The following MYH15 variants were observed in gnomAD, a reference collection of about 807,000 sequenced individuals.
The protein encoded by MYH15 is myosin-15.
Under a neutral mutation model 240.5 loss-of-function variants are expected in MYH15, and 227 were observed. That is an observed-to-expected ratio of 0.94 (90% CI 0.85 to 1.05). The LOEUF is 1.05. Ranked by LOEUF, MYH15 falls within the 50% of genes least tolerant of loss-of-function variation. The pLI is 0.00. For synonymous variants in MYH15, 785 were observed against 796.7 expected, an observed-to-expected ratio of 0.99 and a Z score of 0.25; for missense variants, 2,217 against 2,247.5, an observed-to-expected ratio of 0.99 and a Z score of 0.27.
chr3:108,447,194 T>A (rs1489922669), intron 21 of MYH15, among the ~76,000 whole-genome samples: 1 of 151,546 alleles, frequency 6.6e-6, no homozygotes, highest in Non-Finnish European at 1.5e-5. Context: ...GAAAAACAAA[T>A]GAAAAGAATG....
intron 27 of MYH15, 40 bp downstream of exon 27, chr3:108,428,452 C>T: frequency 6.4e-7 from 1 of 1,557,602 alleles, no homozygotes. Context: ...TCCCTACTTC[C>T]ATGTTCAGAA....
intron 22 of MYH15, among the ~76,000 whole-genome samples, chr3:108,444,374 C>G (rs1288533399): frequency 3.9e-5 from 6 of 152,032 alleles, no homozygotes; most frequent in African/African-American, 1.4e-4. Flanking sequence ...AATTAAGACC[C>G]AGAGCTTCCT....
At chr3:108,538,640 G>C in the MYH15 span, among the ~76,000 whole-genome samples, 4 of 152,110 alleles carry the variant, frequency 2.6e-5, no homozygotes, top group Admixed American at 1.3e-4. Context: ...ATAGAAATTT[G>C]AAATAAAGAA....
At chr3:108,513,058 T>C (rs2083533202), upstream of MYH15, among the ~76,000 whole-genome samples, 1 of 152,148 alleles carries the variant, frequency 6.6e-6, no homozygotes, top group Non-Finnish European at 1.5e-5. Context: ...TTTACAATTT[T>C]ATAGAATAAC....
At chr3:108,465,105 A>T (rs2083103937) in intron 14 of MYH15, among the ~76,000 whole-genome samples, 1 of 152,198 alleles carries the variant, frequency 6.6e-6, no homozygotes, top group African/African-American at 2.4e-5. Context: ...TAAACAAAGA[A>T]ATAACTCCAA....
rs370498032 is a variant in MYH15 at position 108,510,553 on chromosome 3, A to G, written c.-23T>C. 2 of 1,613,226 alleles carry G rather than the reference A, an allele frequency of 1.2e-6. No homozygotes were observed. Among genetic ancestry groups the G allele is most frequent in the African/African-American group, 2.7e-5 (2 of 74,836 alleles). ...CATCTTTATTAAAGCAATCCACCAA[A>G]AAAAGGCCCTAAACGTGAGTAGGCA... On this transcript the variant is annotated 5_prime_UTR_variant, in exon 1 of 41. Coordinates refer to ENST00000693548, the MANE Select transcript of MYH15 (RefSeq NM_014981.3).
At chr3:108,526,846 T>C (rs1406569858) in intron 1 of MYH15, among the ~76,000 whole-genome samples, 1 of 152,142 alleles carries the variant, frequency 6.6e-6, no homozygotes, top group Non-Finnish European at 1.5e-5. Flanking sequence ...GGGTGAGGAC[T>C]GGTGTTTTGG....
chr3:108,430,974 TTAAAG>T (rs779212357), intron 25 of MYH15, 52 bp from the exon 26 acceptor site: 8 of 1,263,490 alleles, frequency 6.3e-6, no homozygotes, highest in Middle Eastern at 3.8e-4. Context: ...AACATTTTGT[TTAAAG>T]TAGTTAGAAT....
the MYH15 span, among the ~76,000 whole-genome samples, chr3:108,535,670 T>C: frequency 1.3e-5 from 2 of 152,152 alleles, no homozygotes; most frequent in African/African-American, 4.8e-5. Context: ...ATTCTAACAA[T>C]GTGAGAGCCT....
In MYH15 at chr3:108,405,406, T is replaced by C; in HGVS notation, c.4668A>G (p.Glu1556=). The C allele has an allele frequency of 6.5e-7, 1 of 1,532,794 alleles. No individual in the cohort carries two copies. The highest frequency in any genetic ancestry group is 8.9e-7 in the Non-Finnish European group (1 of 1,125,818). 94.9% of individuals were successfully genotyped at this position (1,532,794 alleles called of 1,614,324 possible). A position where few individuals can be genotyped will look rare whatever the true frequency, so the allele number is the denominator to read the frequency against. The change falls in exon 33 of 41, where the codon GAA becomes GAG. Residue 1556 remains glutamate (E), a synonymous_variant. Coordinates refer to ENST00000693548, the MANE Select transcript of MYH15 (RefSeq NM_014981.3). ...NESKILHFQL[E]LLEAKAELER... ...CAAGTTCTGCTTTAGCTTCCAAGAG[T>C]TCAAGCTGGAAATGAAGAATCTTGC...
intron 30 of MYH15, among the ~76,000 whole-genome samples, chr3:108,411,771 A>G (rs923761461): frequency 2.5e-4 from 38 of 152,184 alleles, no homozygotes; most frequent in African/African-American, 8.9e-4. Context: ...ATCTACTGCT[A>G]TTAAACAGAA....
chr3:108,466,062 T>A (rs768849086), intron 14 of MYH15, among the ~76,000 whole-genome samples: 1 of 152,216 alleles, frequency 6.6e-6, no homozygotes, highest in Non-Finnish European at 1.5e-5. Context: ...GAAAGCAGCA[T>A]GCAACAACAT....
At chr3:108,457,174 G>T (rs754571189) in intron 18 of MYH15, among the ~76,000 whole-genome samples, 10 of 152,236 alleles carry the variant, frequency 6.6e-5, no homozygotes, top group African/African-American at 2.2e-4. Context: ...AAGGCAAAAA[G>T]ATTACATTTT....
chr3:108,384,603 C>CTCAGG, intron 39 of MYH15, 84 bp downstream of exon 39: 1 of 1,266,018 alleles, frequency 7.9e-7, no homozygotes, highest in South Asian at 1.3e-5. Flanking sequence ...TGACAAGCTG[C>CTCAGG]TTGCTGAGCT....
intron 23 of MYH15, among the ~76,000 whole-genome samples, 186 bp from the exon 24 acceptor site, chr3:108,440,099 T>A (rs1255549466): frequency 6.6e-6 from 1 of 152,248 alleles, no homozygotes; most frequent in Non-Finnish European, 1.5e-5. Flanking sequence ...ACAAAAATGA[T>A]CTGTTATCTG....
intron 30 of MYH15, 30 bp downstream of exon 30, chr3:108,414,202 C>T: frequency 6.2e-7 from 1 of 1,600,546 alleles, no homozygotes; most frequent in Admixed American, 1.7e-5. Flanking sequence ...GTGAGTAACT[C>T]CAGGTTAAGG....
exon 1 of MYH15, chr3:108,529,293 C>G (rs1320847466): frequency 6.3e-7 from 1 of 1,584,026 alleles, no homozygotes; most frequent in East Asian, 2.3e-5. Context: ...GAGGTAAATA[C>G]AATTAAAATG....
chr3:108,395,163 G>A (rs138500599), intron 35 of MYH15, among the ~76,000 whole-genome samples: 1,884 of 152,298 alleles, frequency 0.012, 32 homozygotes, highest in African/African-American at 0.037. Flanking sequence ...CAGTTATTCG[G>A]GAGGCTGAGG....
rs943118751 is a variant in MYH15, at chr3:108,381,188, C to T, written c.*357G>A. 1.1e-5 allele frequency: 3 copies of T among 264,922 alleles called. No homozygotes were observed. The highest frequency in any genetic ancestry group is 4.5e-5 in the African/African-American group (2 of 44,762). The allele number at this position is 264,922 out of a possible 1,614,324, so 16.4% of individuals were successfully genotyped here. On this transcript the variant is annotated 3_prime_UTR_variant, in exon 41 of 41. Coordinates refer to ENST00000693548, the MANE Select transcript of MYH15 (RefSeq NM_014981.3). ...CCAACATGCCCTAGTCCCCATGAAG[C>T]GTGACTGGTCTAAGGACATCTTCTA... is the stretch of plus-strand genomic sequence containing the variant.
Sources: allele counts gnomAD v4.1 joint callset (sites outside exome capture counted in the v4.1 genomes callset), GRCh38; gene constraint gnomAD v4.1.1; transcripts MANE v1.5; gene names NCBI Gene and HGNC (gene_info 2026-07-23, HGNC 2026-07-21).